Variants in STAC observed in about 807,000 individuals in gnomAD.
STAC encodes SH3 and cysteine rich domain, also known as SH3 and cysteine-rich domain-containing protein.
STAC carries 43 observed loss-of-function variants against 48.8 expected under a neutral mutation model. The observed-to-expected ratio is 0.88, with a 90% CI of 0.69 to 1.14. The LOEUF (loss-of-function observed/expected upper bound fraction) is 1.14, where lower values mean the gene tolerates loss of function less well. Ranked by LOEUF, STAC falls within the 50% of genes most tolerant of loss-of-function variation. STAC has a pLI of 0.00. For missense variants in STAC, 497 were observed against 504.0 expected, an observed-to-expected ratio of 0.99 and a Z score of 0.13; for synonymous variants, 193 against 179.5, an observed-to-expected ratio of 1.07 and a Z score of -0.60.
chr3:36,468,727 GT>G (rs1051321600), intron 2 of STAC, among the ~76,000 whole-genome samples: 6 of 145,130 alleles, frequency 4.1e-5, no homozygotes, highest in Admixed American at 7.0e-5. Flanking sequence ...ACATATATAT[GT>G]ATATATATAT....
intron 8 of STAC, among the ~76,000 whole-genome samples, chr3:36,523,716 G>A (rs1698859493): frequency 6.6e-6 from 1 of 152,192 alleles, no homozygotes; most frequent in Non-Finnish European, 1.5e-5. Context: ...TGAAACAACT[G>A]AGGGCAGAGT....
chr3:36,468,750 A>ATATGTGTG (rs1285415295), intron 2 of STAC, among the ~76,000 whole-genome samples: 4 of 145,522 alleles, frequency 2.7e-5, no homozygotes, highest in African/African-American at 1.0e-4. Context: ...AAATACATAT[A>ATATGTGTG]TGTGTGTGTG....
chr3:36,399,763 C>T (rs569871729), intron 1 of STAC, among the ~76,000 whole-genome samples: 2 of 152,244 alleles, frequency 1.3e-5, no homozygotes, highest in East Asian at 3.9e-4. Flanking sequence ...ATTAAATTGA[C>T]TCATATACAT....
chr3:36,503,269 A>G (rs79929369), intron 6 of STAC, among the ~76,000 whole-genome samples: 286 of 152,334 alleles, frequency 1.9e-3, no homozygotes, highest in African/African-American at 6.5e-3. Flanking sequence ...AGGAAAATAC[A>G]TATGATGAGA....
At position 36,406,574 on chromosome 3, in the gene STAC, G is replaced by A. The variant is rs192006494; in HGVS notation, c.111+25820G>A. ...GCACCACAGCTCCCGCTGCGTGACCGTTCTCTGCACTTACCAGCATGTGTT... is the reference window on the plus strand; with the variant it reads ...GCACCACAGCTCCCGCTGCGTGACCATTCTCTGCACTTACCAGCATGTGTT... On this transcript the variant is annotated intron_variant, in intron 1 of 10. Coordinates refer to ENST00000273183, the MANE Select transcript of STAC (RefSeq NM_003149.3). Among the ~76,000 whole-genome samples the A allele has an allele frequency of 7.9e-5, 12 of 152,300 alleles. No homozygotes were observed. The East Asian group carries it at 1.2e-3, about 15-fold the overall frequency.
At chr3:36,403,012 C>T (rs771094084) in intron 1 of STAC, among the ~76,000 whole-genome samples, 3 of 152,166 alleles carry the variant, frequency 2.0e-5, no homozygotes, top group Admixed American at 6.5e-5. Flanking sequence ...AGAAATAAGA[C>T]GTAACACAAG....
At chr3:36,430,737 C>T (rs1425976555) in intron 1 of STAC, among the ~76,000 whole-genome samples, 3 of 152,120 alleles carry the variant, frequency 2.0e-5, no homozygotes, top group Non-Finnish European at 4.4e-5. Context: ...GGCTAGAAGT[C>T]CAAGATCAAG....
intron 3 of STAC, among the ~76,000 whole-genome samples, chr3:36,484,652 G>A (rs1236764706): frequency 6.6e-6 from 1 of 152,174 alleles, no homozygotes; most frequent in Non-Finnish European, 1.5e-5. Flanking sequence ...ATATGTGGCA[G>A]TCCACTTGTA....
At chr3:36,432,167 T>C (rs1700722078) in intron 1 of STAC, among the ~76,000 whole-genome samples, 1 of 152,182 alleles carries the variant, frequency 6.6e-6, no homozygotes, top group South Asian at 2.1e-4. Flanking sequence ...TGCCAGATAC[T>C]TTAGATGCTT....
chr3:36,401,752 A>C (rs1700002369), intron 1 of STAC, among the ~76,000 whole-genome samples: 2 of 152,210 alleles, frequency 1.3e-5, no homozygotes, highest in African/African-American at 4.8e-5. Context: ...AAGAAATTCA[A>C]GACAGCAATA....
chr3:36,408,303 C>T (rs1303721971), intron 1 of STAC, among the ~76,000 whole-genome samples: 1 of 152,206 alleles, frequency 6.6e-6, no homozygotes. Context: ...TCTTCCTCCT[C>T]TTCTTATACC....
chr3:36,519,854 C>A (rs1698759975), intron 8 of STAC, among the ~76,000 whole-genome samples: 1 of 152,108 alleles, frequency 6.6e-6, no homozygotes, highest in Admixed American at 6.6e-5. Flanking sequence ...GGAATGCTGA[C>A]AGGAATTTAC....
At position 36,546,420 on chromosome 3, in the gene STAC, G is replaced by C. The variant is rs975764537; in HGVS notation, c.*131G>C. The C allele has an allele frequency of 1.3e-6, 1 of 758,970 alleles. No homozygotes were observed. Among genetic ancestry groups the C allele is most frequent in the Non-Finnish European group, 2.2e-6 (1 of 449,706 alleles). 47.0% of individuals were successfully genotyped at this position (758,970 alleles called of 1,614,324 possible). A position where few individuals can be genotyped will look rare whatever the true frequency, so the allele number is the denominator to read the frequency against. On this transcript the variant is annotated 3_prime_UTR_variant, in exon 11 of 11. Coordinates refer to ENST00000273183, the MANE Select transcript of STAC (RefSeq NM_003149.3). ...CAGGAAACAGTGAGACAAGAATCAA[G>C]TATCTGAGACTGTGGAGTAATAGCC...
At position 36,507,527 on chromosome 3, in the gene STAC, G is replaced by C. The variant is rs61173152; in HGVS notation, c.920+1693G>C. On this transcript the variant is annotated intron_variant, in intron 8 of 10. Coordinates refer to ENST00000273183, the MANE Select transcript of STAC (RefSeq NM_003149.3). ...GTCTTTGTACCTCTGGTAGAATTCG[G>C]CTATGATTCCATCTGGTCCTGGGCT... 8.0e-4 allele frequency among the ~76,000 whole-genome samples: 122 copies of C among 152,262 alleles called. 1 individual carries two copies. The highest frequency in any genetic ancestry group is 2.7e-3 in the African/African-American group (112 of 41,554).
intron 5 of STAC, 107 bp downstream of exon 5, chr3:36,486,356 T>C (rs563368460): frequency 2.2e-5 from 21 of 947,814 alleles, no homozygotes; most frequent in Non-Finnish European, 3.3e-5. Context: ...TGAGGGCAGG[T>C]CTGCAGGGAG....
chr3:36,485,996 A>G (rs1223606438), intron 4 of STAC, 138 bp from the exon 5 acceptor site: 1 of 643,612 alleles, frequency 1.6e-6, no homozygotes, highest in Non-Finnish European at 2.7e-6. Context: ...TTGGCCATGA[A>G]AGCCCTGTCT....
intron 6 of STAC, among the ~76,000 whole-genome samples, chr3:36,497,458 T>C (rs1041762478): frequency 6.6e-6 from 1 of 152,112 alleles, no homozygotes; most frequent in African/African-American, 2.4e-5. Context: ...AATTCAGAGA[T>C]ACAAGCAGGT....
At chr3:36,483,614 C>T (rs560215283) in intron 3 of STAC, among the ~76,000 whole-genome samples, 3 of 152,280 alleles carry the variant, frequency 2.0e-5, no homozygotes, top group Non-Finnish European at 2.9e-5. Context: ...CTGATCATAC[C>T]ATCTCAGGAG....
rs1007798701 is a variant in STAC at position 36,547,923 on chromosome 3, G to T, written c.*1634G>T. ...ATATGACTGCCTTTCTGTAAAATTG[G>T]ATGCCTAGTACAAATGCTCTTTGCC... On this transcript the variant is annotated 3_prime_UTR_variant, in exon 11 of 11. Coordinates refer to ENST00000273183, the MANE Select transcript of STAC (RefSeq NM_003149.3). The T allele has an allele frequency of 1.2e-4, 19 of 152,118 alleles. No individual in the cohort carries two copies. The highest frequency in any genetic ancestry group is 4.6e-4 in the African/African-American group (19 of 41,430). The allele number at this position is 152,118 out of a possible 1,614,324, so 9.4% of individuals were successfully genotyped here. A position where few individuals can be genotyped will look rare whatever the true frequency, so the allele number is the denominator to read the frequency against.
Sources: gnomAD v4.1 joint callset for allele counts (sites outside exome capture counted in the v4.1 genomes callset) on GRCh38, gnomAD v4.1.1 for gene constraint, MANE v1.5 for transcripts, NCBI Gene and HGNC (gene_info 2026-07-23, HGNC 2026-07-21) for gene names.